ANKRD27: variants seen among roughly 807,000 people sequenced by gnomAD.
ANKRD27 encodes the protein ankyrin repeat domain 27, also known as ankyrin repeat domain-containing protein 27.
A neutral mutation model predicts 129.7 loss-of-function variants in ANKRD27; 112 were observed. The observed-to-expected ratio is 0.86, with a 90% CI of 0.74 to 1.01. The LOEUF (loss-of-function observed/expected upper bound fraction) is 1.01, where lower values mean the gene tolerates loss of function less well. Among genes scored for constraint, ANKRD27 ranks in the 50% least tolerant of loss-of-function variants. The pLI is 0.00. For synonymous variants in ANKRD27, 516 were observed against 511.2 expected, an observed-to-expected ratio of 1.01 and a Z score of -0.13; for missense variants, 1,258 against 1,300.5, an observed-to-expected ratio of 0.97 and a Z score of 0.50.
At chr19:32,611,986 A>G (rs10412310) in intron 22 of ANKRD27, among the ~76,000 whole-genome samples, 88,850 of 151,938 alleles carry the variant, frequency 0.58, 27,082 homozygotes, top group Non-Finnish European at 0.69. Context: ...TGATCCTCTA[A>G]CCTCGGCCTC....
chr19:32,670,719 C>T (rs1034624502), intron 1 of ANKRD27, among the ~76,000 whole-genome samples: 2 of 149,950 alleles, frequency 1.3e-5, no homozygotes, highest in Non-Finnish European at 3.0e-5. Flanking sequence ...AAGGGCCAGG[C>T]ACAGTGGCTA....
At chr19:32,648,539 G>A (rs962095131) in intron 3 of ANKRD27, among the ~76,000 whole-genome samples, 3 of 152,240 alleles carry the variant, frequency 2.0e-5, no homozygotes, top group East Asian at 1.9e-4. Flanking sequence ...GGTGGCGCAC[G>A]CCTGTAATCC....
intron 9 of ANKRD27, 143 bp downstream of exon 9, chr19:32,642,980 T>C (rs965774483): frequency 1.9e-5 from 15 of 786,082 alleles, no homozygotes; most frequent in East Asian, 1.2e-4. Context: ...CCCTTTATCT[T>C]TGGTTGCAAG....
intron 3 of ANKRD27, among the ~76,000 whole-genome samples, chr19:32,649,086 C>A (rs1292537428): frequency 2.0e-5 from 3 of 151,606 alleles, no homozygotes; most frequent in African/African-American, 4.8e-5. Flanking sequence ...CCCACCTGTG[C>A]CTTCCAAGTA....
At position 32,599,955 on chromosome 19, in the gene ANKRD27, T is replaced by G; in HGVS notation, c.2846+17A>C. On this transcript the variant is annotated intron_variant, in intron 27 of 28. Transcript: ENST00000306065. Reference sequence around the variant, plus strand: ...TAGGGGCAAAAGCACAGAAATCAACTTGAGTTTCATACTCACTTAAACTGA... The same window carrying G: ...TAGGGGCAAAAGCACAGAAATCAACGTGAGTTTCATACTCACTTAAACTGA... 4 of 1,604,072 alleles carry G rather than the reference T, an allele frequency of 2.5e-6. No homozygotes were observed. Among genetic ancestry groups the G allele is most frequent in the South Asian group, 1.1e-5 (1 of 90,308 alleles).
intron 4 of ANKRD27, among the ~76,000 whole-genome samples, chr19:32,645,516 G>A (rs1017669322): frequency 6.6e-6 from 1 of 151,950 alleles, no homozygotes; most frequent in African/African-American, 2.4e-5. Flanking sequence ...ATGGCTCAGT[G>A]CAGCCTTGAA....
At chr19:32,599,624 G>A (rs1599729278) in intron 28 of ANKRD27, 80 bp downstream of exon 28, 1 of 1,253,516 alleles carries the variant, frequency 8.0e-7, no homozygotes, top group East Asian at 2.3e-5. Context: ...GACGATCAAG[G>A]AGACGTGTTT....
In ANKRD27 at chr19:32,615,697, G is replaced by C. The variant is rs1457439053; in HGVS notation, c.2136C>G (p.His712Gln). Residue 712 changes from histidine (H) to glutamine (Q), a missense_variant, in exon 22 of 29, where the codon CAC becomes CAG. Physicochemically the swap from His to Gln is conservative, Grantham distance 24. Coordinates refer to ENST00000306065, the MANE Select transcript of ANKRD27 (RefSeq NM_032139.3). ...TVSAADPEFC[H>Q]PLCQCPKCAP... ...CACACTTGGGGCACTGGCACAACGG[G>C]TGACAGAATTCGGGGTCCGCTGCAC... 6.2e-7 allele frequency: 1 copy of C among 1,614,096 alleles called. No homozygotes were observed. Among genetic ancestry groups the C allele is most frequent in the Non-Finnish European group, 8.5e-7 (1 of 1,180,052 alleles).
At chr19:32,664,938 AACT>A (rs1967721645) in intron 1 of ANKRD27, among the ~76,000 whole-genome samples, 1 of 133,626 alleles carries the variant, frequency 7.5e-6, no homozygotes, top group Admixed American at 7.7e-5. Flanking sequence ...AAAAAAAAAA[AACT>A]GTTATTAATG....
At chr19:32,640,834 T>C (rs956237081) in intron 10 of ANKRD27, among the ~76,000 whole-genome samples, 2 of 151,682 alleles carry the variant, frequency 1.3e-5, no homozygotes, top group Non-Finnish European at 1.5e-5. Flanking sequence ...AGCCCAGGAG[T>C]TCAAGGATGT....
chr19:32,641,829 G>A (rs1387679619), intron 10 of ANKRD27, among the ~76,000 whole-genome samples, 195 bp downstream of exon 10: 1 of 139,202 alleles, frequency 7.2e-6, no homozygotes, highest in Non-Finnish European at 1.5e-5. Flanking sequence ...GTGCACTGGT[G>A]TGATCATAGC....
At chr19:32,611,692 C>T (rs573359727) in intron 22 of ANKRD27, among the ~76,000 whole-genome samples, 107 of 152,328 alleles carry the variant, frequency 7.0e-4, no homozygotes, top group Admixed American at 1.2e-3. Context: ...AGCGATTCTC[C>T]TGCCTCAGCC....
chr19:32,606,152 T>G (rs1341544542), intron 23 of ANKRD27, among the ~76,000 whole-genome samples, 198 bp from the exon 24 acceptor site: 1 of 13,846 alleles, frequency 7.2e-5, no homozygotes, highest in African/African-American at 7.7e-4. Flanking sequence ...TTTTTCTTTC[T>G]TTTTTTTTTT....
At chr19:32,665,957 G>A (rs1416128340) in intron 1 of ANKRD27, among the ~76,000 whole-genome samples, 3 of 151,982 alleles carry the variant, frequency 2.0e-5, no homozygotes, top group Non-Finnish European at 4.4e-5. Context: ...TGGTAGAGAC[G>A]GGGTTTCGCC....
At chr19:32,628,666 CAGG>C (rs1966934521) in intron 14 of ANKRD27, 53 bp downstream of exon 14, 1 of 1,607,262 alleles carries the variant, frequency 6.2e-7, no homozygotes, top group Non-Finnish European at 8.5e-7. Flanking sequence ...GGAGAAGGTC[CAGG>C]AGGCCTGTCT....
At chr19:32,659,680 T>C (rs1299275918) in intron 1 of ANKRD27, among the ~76,000 whole-genome samples, 1 of 152,140 alleles carries the variant, frequency 6.6e-6, no homozygotes, top group Non-Finnish European at 1.5e-5. Context: ...TACTGAGTAA[T>C]AATGCAAACC....
chr19:32,628,901 T>C, intron 13 of ANKRD27, 52 bp from the exon 14 acceptor site: 11 of 1,600,254 alleles, frequency 6.9e-6, no homozygotes, highest in Non-Finnish European at 9.4e-6. Flanking sequence ...ACTCAATTAT[T>C]AGGAGTAAAT....
Position 32,642,013 on chromosome 19 carries a change from C to T in ANKRD27, c.904+11G>A, listed in dbSNP as rs775152372. 9.6e-6 allele frequency: 15 copies of T among 1,566,084 alleles called. 2 individuals carry two copies. In the South Asian group the frequency reaches 1.7e-4, roughly 18 times the overall value. On this transcript the variant is annotated intron_variant, in intron 10 of 28. Coordinates refer to ENST00000306065, the MANE Select transcript of ANKRD27 (RefSeq NM_032139.3). ...TCTACCCCTTGGCCAGTCCCCTTTC[C>T]AAGCACAAACCTCTCTGGCTTGGAG...
In ANKRD27 at chr19:32,615,722, C is replaced by T. The variant is rs752993498; in HGVS notation, c.2111G>A (p.Ser704Asn). The T allele has an allele frequency of 1.2e-6, 2 of 1,614,234 alleles. No homozygotes were observed. The highest frequency in any genetic ancestry group is 1.7e-5 in the Admixed American group (1 of 60,020). Reference protein sequence around the residue: ...EDLEDAEDTVSAADPEFCHPL... With the variant: ...EDLEDAEDTVNAADPEFCHPL... The stretch of plus-strand genomic sequence containing the variant: ...GTGACAGAATTCGGGGTCCGCTGCA[C>T]TGACAGTGTCCTCCGCATCCTCCAG... The change falls in exon 22 of 29, where the codon AGT becomes AAT. Residue 704 changes from serine (S) to asparagine (N), a missense_variant. Ser to Asn is a conservative substitution (Grantham distance 46). Coordinates refer to ENST00000306065, the MANE Select transcript of ANKRD27 (RefSeq NM_032139.3).
Sources: gnomAD v4.1 joint callset for allele counts (sites outside exome capture counted in the v4.1 genomes callset) on GRCh38, gnomAD v4.1.1 for gene constraint, MANE v1.5 for transcripts, NCBI Gene and HGNC (gene_info 2026-07-23, HGNC 2026-07-21) for gene names.